CNTN5: variants seen among roughly 807,000 people sequenced by gnomAD.
CNTN5 encodes contactin-5.
A neutral mutation model predicts 129.1 loss-of-function variants in CNTN5; 77 were observed. The observed-to-expected ratio is 0.60, with a 90% CI of 0.50 to 0.72. The LOEUF is 0.72. CNTN5 is among the 30% of genes least tolerant of loss of function. The pLI is 0.00. For synonymous variants in CNTN5, 509 were observed against 465.6 expected, an observed-to-expected ratio of 1.09 and a Z score of -1.20; for missense variants, 1,478 against 1,328.8, an observed-to-expected ratio of 1.11 and a Z score of -1.75.
chr11:99,223,805 A>C (rs1341801632), intron 1 of CNTN5, among the ~76,000 whole-genome samples: 1 of 152,168 alleles, frequency 6.6e-6, no homozygotes, highest in African/African-American at 2.4e-5. Context: ...AAACAATTAT[A>C]TTCATTCTAA....
intron 3 of CNTN5, among the ~76,000 whole-genome samples, chr11:99,566,129 G>A (rs1028031501): frequency 2.0e-5 from 3 of 152,118 alleles, no homozygotes; most frequent in African/African-American, 7.2e-5. Flanking sequence ...GATCATGGGA[G>A]TAGATCCTTC....
intron 3 of CNTN5, among the ~76,000 whole-genome samples, chr11:99,665,634 C>T (rs1398747857): frequency 1.3e-5 from 2 of 151,188 alleles, no homozygotes; most frequent in East Asian, 4.0e-4. Flanking sequence ...TTACAGGTGC[C>T]CAGCAACTTG....
At chr11:99,763,392 A>G (rs901236740) in intron 3 of CNTN5, among the ~76,000 whole-genome samples, 2 of 152,132 alleles carry the variant, frequency 1.3e-5, no homozygotes, top group African/African-American at 4.8e-5. Flanking sequence ...ATTCTAACTC[A>G]TGTAAGCTGT....
intron 21 of CNTN5, among the ~76,000 whole-genome samples, chr11:100,334,110 G>T (rs1274638451): frequency 6.6e-6 from 1 of 152,092 alleles, no homozygotes; most frequent in East Asian, 1.9e-4. Context: ...CCATCAAAAA[G>T]TGGGCAAAGA....
chr11:99,583,422 G>A (rs1451002040), intron 3 of CNTN5, among the ~76,000 whole-genome samples: 1 of 152,180 alleles, frequency 6.6e-6, no homozygotes, highest in Non-Finnish European at 1.5e-5. Context: ...TACCCCCAGA[G>A]GTGGAGCCTA....
At chr11:99,733,403 G>A (rs2048517) in intron 3 of CNTN5, among the ~76,000 whole-genome samples, 53,022 of 135,688 alleles carry the variant, frequency 0.39, 10,922 homozygotes, top group African/African-American at 0.51. Context: ...TGCTCATGAT[G>A]TTTTCTCCAC....
chr11:99,071,626 A>T (rs1436389593), intron 1 of CNTN5, among the ~76,000 whole-genome samples: 1 of 152,164 alleles, frequency 6.6e-6, no homozygotes. Flanking sequence ...TCAATGTATA[A>T]GCCATGTACT....
At chr11:99,096,391 A>G (rs17132993) in intron 1 of CNTN5, among the ~76,000 whole-genome samples, 8,357 of 151,882 alleles carry the variant, frequency 0.055, 438 homozygotes, top group African/African-American at 0.14. Flanking sequence ...GAGATTCATA[A>G]ATTTAATGGA....
intron 2 of CNTN5, among the ~76,000 whole-genome samples, chr11:99,412,493 T>C (rs75311105): frequency 0.14 from 20,709 of 152,150 alleles, 1,470 homozygotes; most frequent in Non-Finnish European, 0.16. Flanking sequence ...ATCTCATTGC[T>C]ATCCTCACCT....
intron 4 of CNTN5, among the ~76,000 whole-genome samples, chr11:99,832,823 T>C (rs936458704): frequency 5.9e-5 from 9 of 152,200 alleles, no homozygotes; most frequent in Non-Finnish European, 1.0e-4. Flanking sequence ...CTTTATATTA[T>C]ATTACTGAGA....
intron 13 of CNTN5, among the ~76,000 whole-genome samples, chr11:100,131,465 T>C (rs1242004944): frequency 6.6e-6 from 1 of 152,048 alleles, no homozygotes; most frequent in Non-Finnish European, 1.5e-5. Context: ...GTTTTCAACA[T>C]GTTAAGGTTG....
intron 3 of CNTN5, among the ~76,000 whole-genome samples, chr11:99,702,520 CAT>C (rs1201276212): frequency 2.6e-5 from 4 of 150,964 alleles, no homozygotes; most frequent in African/African-American, 7.2e-5. Context: ...TAATTATTAT[CAT>C]AATCAGTTTT....
intron 3 of CNTN5, among the ~76,000 whole-genome samples, chr11:99,578,018 C>T (rs1300199545): frequency 6.9e-6 from 1 of 144,114 alleles, no homozygotes; most frequent in East Asian, 2.0e-4. Context: ...GTGATGTTCC[C>T]CTTCCAGTGT....
At chr11:99,289,113 T>C (rs1357399277) in intron 1 of CNTN5, among the ~76,000 whole-genome samples, 1 of 151,880 alleles carries the variant, frequency 6.6e-6, no homozygotes, top group Non-Finnish European at 1.5e-5. Flanking sequence ...CACTTAGAGT[T>C]AGTTTTTCAG....
intron 16 of CNTN5, among the ~76,000 whole-genome samples, chr11:100,240,167 ACTCTCC>A (rs1949707080): frequency 1.3e-5 from 2 of 151,886 alleles, no homozygotes; most frequent in South Asian, 4.1e-4. Context: ...CATTACAGAC[ACTCTCC>A]CTGTAATCCA....
intron 13 of CNTN5, among the ~76,000 whole-genome samples, chr11:100,189,060 A>C (rs1948390871): frequency 6.6e-6 from 1 of 152,016 alleles, no homozygotes; most frequent in Non-Finnish European, 1.5e-5. Flanking sequence ...GCAACAATAA[A>C]AACTGAAGAC....
At chr11:99,137,473 A>G (rs1447952930) in intron 1 of CNTN5, among the ~76,000 whole-genome samples, 50 of 152,130 alleles carry the variant, frequency 3.3e-4, no homozygotes, top group Admixed American at 3.3e-3. Context: ...CACGAAGGTA[A>G]GAAAATATGT....
intron 2 of CNTN5, among the ~76,000 whole-genome samples, chr11:99,514,420 C>G (rs1222021103): frequency 6.6e-6 from 1 of 151,986 alleles, no homozygotes; most frequent in African/African-American, 2.4e-5. Context: ...CTACCATGGG[C>G]AAAATGTTAT....
At chr11:99,274,619 G>C (rs1427665106) in intron 1 of CNTN5, among the ~76,000 whole-genome samples, 1 of 151,338 alleles carries the variant, frequency 6.6e-6, no homozygotes, top group Non-Finnish European at 1.5e-5. Context: ...CTCATCTTGA[G>C]ATTAGTATAT....
Sources: allele counts gnomAD v4.1 joint callset (sites outside exome capture counted in the v4.1 genomes callset), GRCh38; gene constraint gnomAD v4.1.1; transcripts MANE v1.5; gene names NCBI Gene and HGNC (gene_info 2026-07-23, HGNC 2026-07-21).